The following BAHCC1 variants were observed in gnomAD, a reference collection of about 807,000 sequenced individuals.
BAHCC1 encodes BAH domain and coiled-coil containing 1.
Under a neutral mutation model 88.2 loss-of-function variants are expected in BAHCC1, and 43 were observed. The observed-to-expected ratio is 0.49, with a 90% CI of 0.38 to 0.63. The LOEUF (loss-of-function observed/expected upper bound fraction) is 0.63. Among genes scored for constraint, BAHCC1 ranks in the 20% least tolerant of loss-of-function variants. The pLI is 0.00. For synonymous variants in BAHCC1, 1,510 were observed against 745.5 expected, an observed-to-expected ratio of 2.03 and a Z score of -16.71; for missense variants, 3,023 against 1,654.8, an observed-to-expected ratio of 1.83 and a Z score of -14.34.
intron 14 of BAHCC1, among the ~76,000 whole-genome samples, chr17:81,454,970 A>G (rs141487027): frequency 3.3e-5 from 5 of 152,342 alleles, no homozygotes; most frequent in Non-Finnish European, 7.4e-5. Context: ...GGATTTGGGT[A>G]ACAGAAGCGT....
Position 81,460,512 on chromosome 17 carries a change from G to A in BAHCC1, c.6026-18G>A, listed in dbSNP as rs1568037351. ...CCACAGCCATGGCACTGAAGCCCTT[G>A]GCCCATGCTATCCACAGGCACAGAG... On this transcript the variant is annotated intron_variant, in intron 24 of 27. Coordinates refer to ENST00000675386, the MANE Select transcript of BAHCC1 (RefSeq NM_001377448.1). 1.4e-6 allele frequency: 1 copy of A among 737,662 alleles called. No homozygotes were observed. The highest frequency in any genetic ancestry group is 2.5e-6 in the Non-Finnish European group (1 of 397,394). The allele number at this position is 737,662 out of a possible 1,614,324, so 45.7% of individuals were successfully genotyped here. A position where few individuals can be genotyped will look rare whatever the true frequency, so the allele number is the denominator to read the frequency against.
In BAHCC1 at chr17:81,458,175, C is replaced by T. The variant is rs543397840; in HGVS notation, c.5052C>T (p.Arg1684=). 5.6e-6 allele frequency: 4 copies of T among 719,726 alleles called. No individual in the cohort carries two copies. Among genetic ancestry groups the T allele is most frequent in the Admixed American group, 4.0e-5 (2 of 50,318 alleles). The allele number at this position is 719,726 out of a possible 1,614,324, so 44.6% of individuals were successfully genotyped here. ...KERQGLLGAC[R]LSSPESEVKI... is the part of the protein sequence containing the mutation. ...CTCTCCTTCCCACAGGGGCCTGCCGCCTGTCCAGCCCTGAGAGTGAGGTCA... is the reference window on the plus strand; with the variant it reads ...CTCTCCTTCCCACAGGGGCCTGCCGTCTGTCCAGCCCTGAGAGTGAGGTCA... The change falls in exon 18 of 28, where the codon CGC becomes CGT. Residue 1684 remains arginine, a synonymous_variant. Transcript: ENST00000675386.
intron 23 of BAHCC1, 40 bp from the exon 24 acceptor site, chr17:81,460,237 C>T: frequency 1.4e-6 from 1 of 730,018 alleles, no homozygotes; most frequent in South Asian, 1.5e-5. Flanking sequence ...CGGGCGCCTA[C>T]TGGGGGTTCC....
intron 13 of BAHCC1, among the ~76,000 whole-genome samples, 163 bp from the exon 14 acceptor site, chr17:81,452,560 G>A (rs771898504): frequency 6.6e-6 from 1 of 152,064 alleles, no homozygotes; most frequent in African/African-American, 2.4e-5. Context: ...GGGGCCCCTG[G>A]CTGGCCTTGC....
chr17:81,452,957 C>T (rs1185422314), intron 14 of BAHCC1, 106 bp downstream of exon 14: 3 of 606,996 alleles, frequency 4.9e-6, no homozygotes, highest in Non-Finnish European at 5.8e-6. Context: ...CTGCTGGTGC[C>T]CCTTCACACC....
chr17:81,418,796 CGTGTGTGTGTGTACGT>C (rs1437213659), intron 2 of BAHCC1, among the ~76,000 whole-genome samples: 73 of 144,918 alleles, frequency 5.0e-4, no homozygotes, highest in African/African-American at 1.9e-3. Flanking sequence ...TACGTGTGTG[CGTGTGTGTGTGTACGT>C]GTGTGTGTGT....
In BAHCC1 at chr17:81,464,616, C is replaced by G. The variant is rs782027806; in HGVS notation, c.*799C>G. On this transcript the variant is annotated 3_prime_UTR_variant, in exon 28 of 28. Coordinates refer to ENST00000675386, the MANE Select transcript of BAHCC1 (RefSeq NM_001377448.1). ...GCAAAGCCCAGACCAGGGAGTGTGA[C>G]AACAGCCGTGAGCATCTCACCTGTG... The G allele has an allele frequency of 2.0e-5, 3 of 152,498 alleles. No homozygotes were observed. The highest frequency in any genetic ancestry group is 4.4e-5 in the Non-Finnish European group (3 of 68,134). The allele number at this position is 152,498 out of a possible 1,614,324, so 9.4% of individuals were successfully genotyped here.
intron 2 of BAHCC1, among the ~76,000 whole-genome samples, chr17:81,421,717 C>A (rs1341928766): frequency 6.6e-6 from 1 of 152,228 alleles, no homozygotes; most frequent in South Asian, 2.1e-4. Context: ...CTTCCCCTGC[C>A]TGGTCCCGTC....
At chr17:81,460,804 G>T in intron 25 of BAHCC1, 62 bp from the exon 26 acceptor site, 1 of 768,854 alleles carries the variant, frequency 1.3e-6, no homozygotes, top group Non-Finnish European at 2.4e-6. Context: ...TCCGGGGAGG[G>T]GCAGGTGGAG....
chr17:81,463,479 CCCGTCTTCCGG>C (rs2030479156), intron 27 of BAHCC1, 121 bp from the exon 28 acceptor site: 1 of 657,722 alleles, frequency 1.5e-6, no homozygotes, highest in Admixed American at 2.1e-5. Context: ...GTTCCTCGGC[CCCGTCTTCCGG>C]CCACACAGAA....
At chr17:81,407,299 G>A (rs928815862) in intron 2 of BAHCC1, 1 of 517,950 alleles carries the variant, frequency 1.9e-6, no homozygotes, top group African/African-American at 1.9e-5. Flanking sequence ...CCTTCTTGGG[G>A]TACCCCACCA....
rs1555657828 is a variant in BAHCC1, at chr17:81,458,118, G to T, written c.5042-47G>T. The T allele has an allele frequency of 3.8e-5, 27 of 712,602 alleles. 1 individual carries two copies. In the East Asian group the frequency reaches 7.2e-4, roughly 19 times the overall value. The allele number at this position is 712,602 out of a possible 1,614,324, so 44.1% of individuals were successfully genotyped here. On this transcript the variant is annotated intron_variant, in intron 17 of 27. Transcript: ENST00000675386. The stretch of plus-strand genomic sequence containing the variant: ...CGGCACAGTCAGCCCAACCAGCCGG[G>T]TCTCTAGGATGGGGACCCCTGTGAC...
In BAHCC1 at chr17:81,443,022, G is replaced by A. The variant is rs2064452931; in HGVS notation, c.1673G>A (p.Gly558Glu). 1.3e-6 allele frequency: 1 copy of A among 778,410 alleles called. No homozygotes were observed. Among genetic ancestry groups the A allele is most frequent in the Non-Finnish European group, 2.4e-6 (1 of 417,706 alleles). The allele number at this position is 778,410 out of a possible 1,614,324, so 48.2% of individuals were successfully genotyped here. The change falls in exon 5 of 28, where the codon GGG (glycine) becomes GAG (glutamate). Residue 558 changes from glycine to glutamate, a missense_variant. Transcript: ENST00000675386. Reference sequence around the variant, plus strand: ...TTGATGGCCGCCGAGGTGGAGCAGGGGGGCATTGGGGCTGAGGCCAAGCGC... The same window carrying A: ...TTGATGGCCGCCGAGGTGGAGCAGGAGGGCATTGGGGCTGAGGCCAAGCGC... ...QHLMAAEVEQ[G>E]GIGAEAKRKS...
intron 2 of BAHCC1, among the ~76,000 whole-genome samples, chr17:81,409,465 G>A (rs1316534356): frequency 2.0e-5 from 3 of 152,206 alleles, no homozygotes; most frequent in African/African-American, 7.2e-5. Context: ...GGTTCTGGAG[G>A]GCCAGGAGCG....
chr17:81,403,655 CATT>C (rs2063843894), intron 2 of BAHCC1, among the ~76,000 whole-genome samples: 1 of 152,168 alleles, frequency 6.6e-6, no homozygotes, highest in African/African-American at 2.4e-5. Context: ...TTAAATACCT[CATT>C]AACTCCATGA....
chr17:81,429,006 G>A (rs1042623041), intron 3 of BAHCC1, among the ~76,000 whole-genome samples: 139 of 152,344 alleles, frequency 9.1e-4, no homozygotes, highest in South Asian at 2.3e-3. Context: ...TGAGCCGGAG[G>A]AGAGGACAGT....
At chr17:81,446,872 C>G in intron 10 of BAHCC1, 164 bp from the exon 11 acceptor site, 1 of 669,738 alleles carries the variant, frequency 1.5e-6, no homozygotes, top group Non-Finnish European at 2.7e-6. Flanking sequence ...CCTTAATTAA[C>G]GTAACCCTTT....
chr17:81,444,886 CG>C (rs2064494184), intron 8 of BAHCC1, 60 bp downstream of exon 8: 2 of 721,072 alleles, frequency 2.8e-6, no homozygotes, highest in Non-Finnish European at 2.5e-6. Flanking sequence ...GAGGGGCAGC[CG>C]GGGGTGTGCT....
rs1598522165 is a variant in BAHCC1, at chr17:81,464,716, G to A, written c.*899G>A. ...AAGCAATGTTTGGATTGTATCTGCT[G>A]AATCATATTCCAACCTATATCTGAT... On this transcript the variant is annotated 3_prime_UTR_variant, in exon 28 of 28. Transcript: ENST00000675386. The A allele has an allele frequency of 6.6e-6, 1 of 152,568 alleles. No individual in the cohort carries two copies. The highest frequency in any genetic ancestry group is 1.5e-5 in the Non-Finnish European group (1 of 68,044). The allele number at this position is 152,568 out of a possible 1,614,324, so 9.5% of individuals were successfully genotyped here. A position where few individuals can be genotyped will look rare whatever the true frequency, so the allele number is the denominator to read the frequency against.
Sources: gnomAD v4.1 joint callset for allele counts (sites outside exome capture counted in the v4.1 genomes callset) on GRCh38, gnomAD v4.1.1 for gene constraint, MANE v1.5 for transcripts, NCBI Gene and HGNC (gene_info 2026-07-23, HGNC 2026-07-21) for gene names.